The following CRCP variants were observed in gnomAD, a reference collection of about 807,000 sequenced individuals.
CRCP encodes DNA-directed RNA polymerase III subunit RPC9.
Under a neutral mutation model 18.5 loss-of-function variants are expected in CRCP, and 18 were observed. That is an observed-to-expected ratio of 0.97 (90% CI 0.67 to 1.44). The LOEUF (loss-of-function observed/expected upper bound fraction) is 1.44, where lower values mean the gene tolerates loss of function less well. Among genes scored for constraint, CRCP ranks in the 40% most tolerant of loss-of-function variants. CRCP has a pLI of 0.00. For synonymous variants in CRCP, 53 were observed against 62.9 expected (o/e 0.84, Z 0.75); for missense variants, 130 against 176.4 (o/e 0.74, Z 1.49).
Position 66,134,647 on chromosome 7 carries a change from T to C in CRCP, c.239+273T>C, listed in dbSNP as rs1056999087. 1.1e-4 allele frequency among the ~76,000 whole-genome samples: 16 copies of C among 152,142 alleles called. No individual in the cohort carries two copies. The East Asian group carries it at 2.9e-3, about 28-fold the overall frequency. ...CAAAATTAGCAGAGATTAATTTACA[T>C]TCTCAAAAAAGACGGGTGAGGGGAA... On this transcript the variant is annotated intron_variant, in intron 4 of 5. Transcript: ENST00000395326.
At chr7:66,115,945 C>A (rs1216281282) in intron 1 of CRCP, among the ~76,000 whole-genome samples, 1 of 152,126 alleles carries the variant, frequency 6.6e-6, no homozygotes, top group African/African-American at 2.4e-5. Context: ...TACAGGCCCA[C>A]GCCATCACTC....
intron 4 of CRCP, among the ~76,000 whole-genome samples, chr7:66,136,217 CG>C (rs1182186628): frequency 6.6e-6 from 1 of 151,288 alleles, no homozygotes. Context: ...AAAACTAGCC[CG>C]TTTTTTTTTT....
intron 1 of CRCP, among the ~76,000 whole-genome samples, chr7:66,117,509 T>G (rs973792257): frequency 6.6e-6 from 1 of 152,180 alleles, no homozygotes; most frequent in Admixed American, 6.6e-5. Flanking sequence ...CTAAATCCAG[T>G]CCATCAGTGG....
At position 66,138,107 on chromosome 7, in the gene CRCP, C is replaced by T. The variant is rs187438604; in HGVS notation, c.239+3733C>T. Among the ~76,000 whole-genome samples the T allele has an allele frequency of 1.3e-3, 197 of 152,322 alleles. 1 individual carries two copies. Among genetic ancestry groups the T allele is most frequent in the African/African-American group, 4.5e-3 (186 of 41,580 alleles). ...AACAGGTCTCTTGGCTACAAATTCTCTTATTTTCATTTAGCTGAGAATGTC... is the reference window on the plus strand; with the variant it reads ...AACAGGTCTCTTGGCTACAAATTCTTTTATTTTCATTTAGCTGAGAATGTC... On this transcript the variant is annotated intron_variant, in intron 4 of 5. Coordinates refer to ENST00000395326, the MANE Select transcript of CRCP (RefSeq NM_014478.5).
At chr7:66,119,845 T>G (rs1787380105) in intron 1 of CRCP, 1 of 152,214 alleles carries the variant, frequency 6.6e-6, no homozygotes, top group South Asian at 2.1e-4. Flanking sequence ...GCAGCCATCC[T>G]AGGCCTAACT....
intron 1 of CRCP, among the ~76,000 whole-genome samples, chr7:66,116,276 C>T (rs1329705178): frequency 6.6e-6 from 1 of 151,986 alleles, no homozygotes; most frequent in Non-Finnish European, 1.5e-5. Context: ...AGAAGGATCA[C>T]TTGAACCTGG....
At chr7:66,134,779 G>C (rs1007130928) in intron 4 of CRCP, among the ~76,000 whole-genome samples, 4 of 152,154 alleles carry the variant, frequency 2.6e-5, no homozygotes, top group Non-Finnish European at 4.4e-5. Flanking sequence ...CCAACTGCTA[G>C]CATCTGACCA....
chr7:66,115,686 T>C (rs1475620524), intron 1 of CRCP, among the ~76,000 whole-genome samples: 1 of 152,232 alleles, frequency 6.6e-6, no homozygotes, highest in Non-Finnish European at 1.5e-5. Flanking sequence ...TTGATATTAA[T>C]TTGTAGGTAT....
intron 5 of CRCP, among the ~76,000 whole-genome samples, chr7:66,147,828 G>A (rs1225313625): frequency 6.6e-6 from 1 of 152,180 alleles, no homozygotes; most frequent in Non-Finnish European, 1.5e-5. Flanking sequence ...GGAGGCCAAG[G>A]TGGGAGGATT....
chr7:66,114,883 GC>G lies in CRCP; in HGVS notation c.-79del. The G allele has an allele frequency of 6.2e-7, 1 of 1,608,706 alleles. No individual in the cohort carries two copies. Among genetic ancestry groups the G allele is most frequent in the Non-Finnish European group, 8.5e-7 (1 of 1,175,742 alleles). ...TGGCGCGCGGAGCTGGCACCTTGGCGCTGTTGGTGGCGGCGGAGACAGCTGT... is the reference window on the plus strand; with the variant it reads ...TGGCGCGCGGAGCTGGCACCTTGGCGTGTTGGTGGCGGCGGAGACAGCTGT... On this transcript the variant is annotated 5_prime_UTR_variant, in exon 1 of 6. Coordinates refer to ENST00000395326, the MANE Select transcript of CRCP (RefSeq NM_014478.5).
intron 5 of CRCP, among the ~76,000 whole-genome samples, chr7:66,146,684 A>T (rs897092031): frequency 1.3e-5 from 2 of 152,188 alleles, no homozygotes; most frequent in African/African-American, 4.8e-5. Context: ...TTTGCCCTTC[A>T]GAATGTACCC....
chr7:66,134,656 A>C (rs940539442), intron 4 of CRCP, among the ~76,000 whole-genome samples: 1 of 152,132 alleles, frequency 6.6e-6, no homozygotes, highest in African/African-American at 2.4e-5. Context: ...ATTCTCAAAA[A>C]AGACGGGTGA....
At chr7:66,126,210 C>T (rs116190156) in intron 1 of CRCP, among the ~76,000 whole-genome samples, 2,472 of 149,058 alleles carry the variant, frequency 0.017, 287 homozygotes, top group East Asian at 0.11. Flanking sequence ...GACCTAAGGC[C>T]GAGGTCTATC....
At chr7:66,133,641 G>A (rs1787878901) in intron 3 of CRCP, among the ~76,000 whole-genome samples, 1 of 150,330 alleles carries the variant, frequency 6.7e-6, no homozygotes, top group Non-Finnish European at 1.5e-5. Flanking sequence ...TTATTCTTTG[G>A]GTTCCCCCTC....
chr7:66,115,553 G>T (rs571654128), intron 1 of CRCP, among the ~76,000 whole-genome samples: 1 of 152,286 alleles, frequency 6.6e-6, no homozygotes, highest in South Asian at 2.1e-4. Flanking sequence ...GTGGGTGTGT[G>T]TGCAAGGCGA....
intron 4 of CRCP, among the ~76,000 whole-genome samples, chr7:66,141,327 AT>A (rs1288392757): frequency 6.6e-6 from 1 of 151,434 alleles, no homozygotes; most frequent in Non-Finnish European, 1.5e-5. Flanking sequence ...CATTCTTTCT[AT>A]TTTTTCATAG....
chr7:66,121,958 T>A (rs1468306702), intron 1 of CRCP, among the ~76,000 whole-genome samples: 1 of 152,222 alleles, frequency 6.6e-6, no homozygotes, highest in Non-Finnish European at 1.5e-5. Flanking sequence ...CAGAAGCTGC[T>A]CCGTTTGCTT....
At chr7:66,136,665 A>G (rs146367845) in intron 4 of CRCP, among the ~76,000 whole-genome samples, 21 of 151,622 alleles carry the variant, frequency 1.4e-4, no homozygotes, top group African/African-American at 4.8e-4. Flanking sequence ...TGCCTGGCCT[A>G]TGTATACATT....
chr7:66,133,797 G>C (rs1268988370), intron 3 of CRCP, among the ~76,000 whole-genome samples: 1 of 149,186 alleles, frequency 6.7e-6, no homozygotes, highest in African/African-American at 2.5e-5. Flanking sequence ...CCAATTACAC[G>C]AAGATTGGTT....
Sources: gnomAD v4.1 joint callset for allele counts (sites outside exome capture counted in the v4.1 genomes callset) on GRCh38, gnomAD v4.1.1 for gene constraint, MANE v1.5 for transcripts, NCBI Gene and HGNC (gene_info 2026-07-23, HGNC 2026-07-21) for gene names.